KHSRP: variants seen among roughly 807,000 people sequenced by gnomAD.
KHSRP encodes the protein far upstream element-binding protein 2.
A neutral mutation model predicts 94.9 loss-of-function variants in KHSRP; 13 were observed. The ratio of observed to expected loss-of-function variants is 0.14; its 90% CI spans 0.09 to 0.22. The LOEUF (loss-of-function observed/expected upper bound fraction) is 0.22, where lower values mean the gene tolerates loss of function less well. Ranked by LOEUF, KHSRP falls within the 10% of genes least tolerant of loss-of-function variation. KHSRP has a pLI of 1.00. For synonymous variants in KHSRP, 495 were observed against 401.4 expected (o/e 1.23, Z -2.79); for missense variants, 710 against 1,010.0 (o/e 0.70, Z 4.03).
rs1267628930 is a variant in KHSRP, at chr19:6,418,181, G to A, written c.880-102C>T. 21 of 992,760 alleles carry A rather than the reference G, an allele frequency of 2.1e-5. No individual in the cohort carries two copies. The South Asian group carries it at 2.8e-4, about 13-fold the overall frequency. 61.5% of individuals were successfully genotyped at this position (992,760 alleles called of 1,614,324 possible). On this transcript the variant is annotated intron_variant, in intron 9 of 18. Transcript: ENST00000600480. The surrounding 1 kb of genome is among the most constrained non-coding windows in gnomAD (Gnocchi z 4.3). ...CCTCAACTAAGGACCCACGAACCCT[G>A]GGTGAGCCCAGCACAGCACCCTACT...
chr19:6,414,503 G>A lies in KHSRP; in HGVS notation c.*521C>T, dbSNP rs2092126970. 9.4e-7 allele frequency: 1 copy of A among 1,064,340 alleles called. No homozygotes were observed. Among genetic ancestry groups the A allele is most frequent in the Non-Finnish European group, 1.1e-6 (1 of 881,034 alleles). 65.9% of individuals were successfully genotyped at this position (1,064,340 alleles called of 1,614,324 possible). On this transcript the variant is annotated 3_prime_UTR_variant, in exon 19 of 19. Coordinates refer to ENST00000600480, the MANE Select transcript of KHSRP (RefSeq NM_001366299.1). ...ACACCCCTGTGAGGTAGGTTGGAAG[G>A]TGGCAACGATCTTCACGCCCACTTC...
chr19:6,424,381 C>A (rs1414475910), intron 1 of KHSRP, 72 bp downstream of exon 1: 1 of 810,308 alleles, frequency 1.2e-6, no homozygotes, highest in Non-Finnish European at 1.5e-6. Flanking sequence ...CGCGCGCGCG[C>A]ACGTGACCCC....
rs1568343598 is a variant in KHSRP, at chr19:6,418,689, G to A, written c.780+13C>T. The stretch of plus-strand genomic sequence containing the variant: ...CACGGATGCAGAGGAAGCTGCCCAG[G>A]TGCTGCCCTCACCTGCAGCTGCTTA... On this transcript the variant is annotated intron_variant, in intron 8 of 18. Coordinates refer to ENST00000600480, the MANE Select transcript of KHSRP (RefSeq NM_001366299.1). The surrounding 1 kb of genome is among the most constrained non-coding windows in gnomAD (Gnocchi z 4.3). The A allele has an allele frequency of 3.1e-6, 5 of 1,613,866 alleles. 1 individual carries two copies. Among genetic ancestry groups the A allele is most frequent in the Non-Finnish European group, 3.4e-6 (4 of 1,179,836 alleles).
At position 6,413,132 on chromosome 19, in the gene KHSRP, C is replaced by A. The variant is rs903056222; in HGVS notation, c.*1892G>T. Among the ~76,000 whole-genome samples the A allele has an allele frequency of 2.9e-4, 30 of 103,312 alleles. No homozygotes were observed. Among genetic ancestry groups the A allele is most frequent in the East Asian group, 9.9e-4 (3 of 3,038 alleles). 67.8% of individuals were successfully genotyped at this position (103,312 alleles called of 152,430 possible). A position where few individuals can be genotyped will look rare whatever the true frequency, so the allele number is the denominator to read the frequency against. The stretch of plus-strand genomic sequence containing the variant: ...TTTAAACAAAAAGCACTTTATTTAA[C>A]AAAAAAAAAAAAGGGGGGGGGGCAC... On this transcript the variant is annotated 3_prime_UTR_variant, in exon 19 of 19. Transcript: ENST00000600480.
chr19:6,415,503 C>A (rs1426120770), intron 17 of KHSRP, 31 bp downstream of exon 17: 2 of 1,548,112 alleles, frequency 1.3e-6, no homozygotes, highest in South Asian at 2.4e-5. Context: ...CCCGGCAGGG[C>A]TGGAGCCCCC....
chr19:6,418,907 G>A lies in KHSRP; in HGVS notation c.606-31C>T. On this transcript the variant is annotated intron_variant, in intron 7 of 18. Transcript: ENST00000600480. This position sits in a 1 kb window ranked among gnomAD's most constrained non-coding sequence, Gnocchi z 4.3. ...AAGGGGAGGAGCGGGGGATGAGCGG[G>A]TGCCACCGCTGGAGAAAGGTACTGG... 2.6e-6 allele frequency: 4 copies of A among 1,518,154 alleles called. No individual in the cohort carries two copies. The highest frequency in any genetic ancestry group is 3.5e-6 in the Non-Finnish European group (4 of 1,139,924). 94.0% of individuals were successfully genotyped at this position (1,518,154 alleles called of 1,614,324 possible).
chr19:6,416,137 C>A (rs937943852), intron 15 of KHSRP, among the ~76,000 whole-genome samples, 161 bp downstream of exon 15: 10 of 152,216 alleles, frequency 6.6e-5, no homozygotes, highest in African/African-American at 2.4e-4. Flanking sequence ...GGCACATGCT[C>A]TACCAGTAGA....
In KHSRP at chr19:6,424,443, GCCT is replaced by G. The variant is rs2092219685; in HGVS notation, c.249+7_249+9del. On this transcript the variant is annotated splice_region_variant and intron_variant, in intron 1 of 18. Coordinates refer to ENST00000600480, the MANE Select transcript of KHSRP (RefSeq NM_001366299.1). ...CGCGAGCGCGCCCCTCAGGCCCTCGGCCTCCTCACCTGGCGGGCCCGCTGCACG... is the reference window on the plus strand; with the variant it reads ...CGCGAGCGCGCCCCTCAGGCCCTCGGCCTCACCTGGCGGGCCCGCTGCACG... 3 of 990,510 alleles carry G rather than the reference GCCT, an allele frequency of 3.0e-6. No individual in the cohort carries two copies. Among genetic ancestry groups the G allele is most frequent in the East Asian group, 2.2e-4 (2 of 8,992 alleles). The allele number at this position is 990,510 out of a possible 1,614,324, so 61.4% of individuals were successfully genotyped here.
rs748936288 is a variant in KHSRP, at chr19:6,415,733, G to A, written c.1689C>T (p.Ser563=). ...QWQPPAPHDP[S]KAAAAAADPN... ...GGTCCGCGGCCGCTGCAGCTGCTTT[G>A]CCTGCAGGAGATACCTCGGGTGAGA... The change falls in exon 17 of 19, where the codon AGC becomes AGT. Residue 563 remains serine (S), a splice_region_variant and synonymous_variant. Transcript: ENST00000600480. 1 of 1,550,354 alleles carries A rather than the reference G, an allele frequency of 6.5e-7. No individual in the cohort carries two copies. Among genetic ancestry groups the A allele is most frequent in the South Asian group, 1.2e-5 (1 of 84,060 alleles).
Position 6,416,302 on chromosome 19 carries a change from G to A in KHSRP, c.1594C>T (p.Pro532Ser), listed in dbSNP as rs11546542. Residue 532 changes from proline (P) to serine (S), a missense_variant, in exon 15 of 19, where the codon CCA becomes TCA. Around this residue, in one of 5 missense-constraint regions of KHSRP, gnomAD observed 292 missense variants for 340.5 expected, o/e 0.86. Coordinates refer to ENST00000600480, the MANE Select transcript of KHSRP (RefSeq NM_001366299.1). ...CAGGAGGCAGAGGATACTCACTGTG[G>A]GGGAGCCCCGGGTGGCCCCTGGTTG... The part of the protein sequence containing the change: ...PFNQGPPGAP[P>S]HAGGPPPHQY... 1.2e-6 allele frequency: 2 copies of A among 1,600,958 alleles called. No individual in the cohort carries two copies. The highest frequency in any genetic ancestry group is 1.7e-6 in the Non-Finnish European group (2 of 1,176,092).
At position 6,413,661 on chromosome 19, in the gene KHSRP, A is replaced by G. The variant is rs762929023; in HGVS notation, c.*1363T>C. On this transcript the variant is annotated 3_prime_UTR_variant, in exon 19 of 19. Coordinates refer to ENST00000600480, the MANE Select transcript of KHSRP (RefSeq NM_001366299.1). The stretch of plus-strand genomic sequence containing the variant: ...GTGACTTTTTTTTTTCCTTTTTAAA[A>G]GTTTATTTTAAAAACAAGAGGGCCG... 123 of 165,314 alleles carry G rather than the reference A, an allele frequency of 7.4e-4. No homozygotes were observed. The highest frequency in any genetic ancestry group is 1.3e-3 in the Non-Finnish European group (98 of 74,690). The allele number at this position is 165,314 out of a possible 1,614,324, so 10.2% of individuals were successfully genotyped here.
rs2092164506 is a variant in KHSRP, at chr19:6,417,998, T to C, written c.961A>G (p.Ile321Val). The C allele has an allele frequency of 1.9e-6, 3 of 1,613,882 alleles. No homozygotes were observed. Among genetic ancestry groups the C allele is most frequent in the Admixed American group, 1.7e-5 (1 of 60,016 alleles). ...FGDRNEYGSR[I>V]GGGIDVPVPR... ...ACACTCACATCGATGCCTCCGCCAATCCGAGATCCGTACTCATTCCGGTCC... is the reference window on the plus strand; with the variant it reads ...ACACTCACATCGATGCCTCCGCCAACCCGAGATCCGTACTCATTCCGGTCC... Residue 321 changes from isoleucine (I) to valine (V), a missense_variant, in exon 10 of 19, where the codon ATT (isoleucine) becomes GTT (valine). By Grantham distance (29) the Ile-to-Val change is conservative. Coordinates refer to ENST00000600480, the MANE Select transcript of KHSRP (RefSeq NM_001366299.1).
At chr19:6,421,143 G>A in intron 4 of KHSRP, 135 bp downstream of exon 4, 1 of 780,820 alleles carries the variant, frequency 1.3e-6, no homozygotes, top group South Asian at 1.7e-5. Context: ...ATTCCCGTCT[G>A]AGCACTCTGG....
chr19:6,424,408 TGC>T (rs1161421704), intron 1 of KHSRP, 43 bp downstream of exon 1: 567 of 811,246 alleles, frequency 7.0e-4, no homozygotes, highest in Middle Eastern at 1.3e-3. Flanking sequence ...CTCCCCCGCC[TGC>T]GCGCGCGCGC....
chr19:6,416,201 G>T, intron 15 of KHSRP, 97 bp downstream of exon 15: 1 of 1,003,876 alleles, frequency 1.0e-6, no homozygotes, highest in Non-Finnish European at 1.5e-6. Context: ...GAGGCCCCCC[G>T]CCTGCACTTC....
At chr19:6,424,399 T>G (rs906827820) in intron 1 of KHSRP, 54 bp downstream of exon 1, 26 of 664,456 alleles carry the variant, frequency 3.9e-5, no homozygotes, top group Non-Finnish European at 4.5e-5. Context: ...CCCCGCCCCC[T>G]CCCCCGCCTG....
chr19:6,421,242 A>G (rs990955588), intron 4 of KHSRP, 36 bp downstream of exon 4: 1 of 1,565,892 alleles, frequency 6.4e-7, no homozygotes, highest in Non-Finnish European at 8.7e-7. Flanking sequence ...GCTGGCCAAC[A>G]GACAAGAAAG....
In KHSRP at chr19:6,414,188, A is replaced by G; in HGVS notation, c.*836T>C. 6.4e-7 allele frequency: 1 copy of G among 1,573,664 alleles called. No individual in the cohort carries two copies. Among genetic ancestry groups the G allele is most frequent in the East Asian group, 2.3e-5 (1 of 43,764 alleles). Reference sequence around the variant, plus strand: ...GAAGGGTGGGAGACTAGGGGGCGGAAGAGAGGAGGGGCTGGAACACCGTGG... The same window carrying G: ...GAAGGGTGGGAGACTAGGGGGCGGAGGAGAGGAGGGGCTGGAACACCGTGG... On this transcript the variant is annotated 3_prime_UTR_variant, in exon 19 of 19. Transcript: ENST00000600480.
rs1406349142 is a variant in KHSRP at position 6,414,183 on chromosome 19, G to A, written c.*841C>T. The A allele has an allele frequency of 6.3e-7, 1 of 1,586,024 alleles. No individual in the cohort carries two copies. Among genetic ancestry groups the A allele is most frequent in the Admixed American group, 1.8e-5 (1 of 54,170 alleles). ...GGAGGGAAGGGTGGGAGACTAGGGG[G>A]CGGAAGAGAGGAGGGGCTGGAACAC... On this transcript the variant is annotated 3_prime_UTR_variant, in exon 19 of 19. Coordinates refer to ENST00000600480, the MANE Select transcript of KHSRP (RefSeq NM_001366299.1).
Sources: gnomAD v4.1 joint callset for allele counts (sites outside exome capture counted in the v4.1 genomes callset) on GRCh38, gnomAD v4.1.1 for gene constraint, gnomAD v4.1.1 regional missense constraint, Gnocchi (gnomAD v3.1) non-coding constraint, MANE v1.5 for transcripts, NCBI Gene and HGNC (gene_info 2026-07-23, HGNC 2026-07-21) for gene names.